The following PTPRN2 variants were observed in gnomAD, a reference collection of about 807,000 sequenced individuals.
The protein encoded by PTPRN2 is receptor-type tyrosine-protein phosphatase N2.
PTPRN2 carries 74 observed loss-of-function variants against 118.8 expected under a neutral mutation model. The observed-to-expected ratio is 0.62, with a 90% CI of 0.52 to 0.76. The LOEUF is 0.76. Ranked by LOEUF, PTPRN2 falls within the 30% of genes least tolerant of loss-of-function variation. The pLI, the probability that PTPRN2 is intolerant of heterozygous loss-of-function variation, is 0.00. For synonymous variants in PTPRN2, 641 were observed against 608.0 expected (o/e 1.05, Z -0.80); for missense variants, 1,481 against 1,394.4 (o/e 1.06, Z -0.99).
chr7:158,152,957 C>T (rs147070755), intron 6 of PTPRN2, among the ~76,000 whole-genome samples: 12,140 of 134,104 alleles, frequency 0.091, 901 homozygotes, highest in African/African-American at 0.18. Flanking sequence ...CACCAGCACG[C>T]CAGCAGGCCA....
intron 19 of PTPRN2, among the ~76,000 whole-genome samples, chr7:157,576,323 A>G (rs886755038): frequency 1.3e-5 from 2 of 152,202 alleles, no homozygotes; most frequent in Non-Finnish European, 1.5e-5. Context: ...CATACACTTT[A>G]GGCTCTTTGT....
chr7:158,566,112 G>T (rs955374518), intron 1 of PTPRN2, among the ~76,000 whole-genome samples: 2 of 152,166 alleles, frequency 1.3e-5, no homozygotes, highest in Non-Finnish European at 1.5e-5. Context: ...CAGCACTTTG[G>T]GAGGCCAAGG....
chr7:158,014,218 AC>A (rs940411673), intron 11 of PTPRN2, among the ~76,000 whole-genome samples: 6 of 150,388 alleles, frequency 4.0e-5, no homozygotes, highest in African/African-American at 1.5e-4. Context: ...CCAGCCAGCC[AC>A]CCATCTATTC....
chr7:158,192,064 T>C (rs1825808703), intron 5 of PTPRN2, among the ~76,000 whole-genome samples: 1 of 152,120 alleles, frequency 6.6e-6, no homozygotes, highest in South Asian at 2.1e-4. Context: ...AATGGTGGGC[T>C]TTCTGGAGTC....
chr7:158,179,752 GC>G (rs1454605889), intron 5 of PTPRN2, among the ~76,000 whole-genome samples: 1 of 152,152 alleles, frequency 6.6e-6, no homozygotes, highest in Non-Finnish European at 1.5e-5. Flanking sequence ...TTAAAACAGG[GC>G]CAAGGTGGAA....
At chr7:158,071,000 CATGGTGGTGGAGGTGCT>C (rs1811371052) in intron 11 of PTPRN2, among the ~76,000 whole-genome samples, 2 of 81,022 alleles carry the variant, frequency 2.5e-5, no homozygotes, top group Admixed American at 1.3e-4. Context: ...TGGAGGTGCT[CATGGTGGTGGAGGTGCT>C]CGTGGTGGAG....
At chr7:157,994,722 GTGT>G (rs1804569396) in intron 11 of PTPRN2, among the ~76,000 whole-genome samples, 1 of 36,574 alleles carries the variant, frequency 2.7e-5, no homozygotes, top group Non-Finnish European at 4.5e-5. Flanking sequence ...AATCAACGCC[GTGT>G]CCCCAGCTTA....
chr7:158,311,684 G>A (rs1004779200), intron 3 of PTPRN2, among the ~76,000 whole-genome samples: 9 of 152,252 alleles, frequency 5.9e-5, no homozygotes, highest in Admixed American at 1.3e-4. Context: ...TCTGACAACT[G>A]CACCTGCAAG....
intron 12 of PTPRN2, 108 bp from the exon 13 acceptor site, chr7:157,683,045 C>A (rs553260083): frequency 1.0e-6 from 1 of 992,284 alleles, no homozygotes; most frequent in Non-Finnish European, 1.5e-6. Flanking sequence ...CCCCACAGGA[C>A]GCTGTGCTGG....
At chr7:158,580,273 T>C (rs1019074464) in intron 1 of PTPRN2, among the ~76,000 whole-genome samples, 3 of 152,280 alleles carry the variant, frequency 2.0e-5, no homozygotes, top group Non-Finnish European at 4.4e-5. Flanking sequence ...TCACAGCCTC[T>C]GACTGCCAAT....
intron 11 of PTPRN2, among the ~76,000 whole-genome samples, chr7:157,922,845 T>A (rs1585021952): frequency 2.0e-5 from 3 of 152,344 alleles, no homozygotes; most frequent in Admixed American, 2.0e-4. Flanking sequence ...AATCCTGAGG[T>A]CACTCGCTTA....
At chr7:158,340,552 C>G (rs529551056) in intron 2 of PTPRN2, among the ~76,000 whole-genome samples, 2 of 126,692 alleles carry the variant, frequency 1.6e-5, no homozygotes, top group South Asian at 5.7e-4. Flanking sequence ...CCGCAGAGGT[C>G]ACTCACACCC....
intron 4 of PTPRN2, among the ~76,000 whole-genome samples, chr7:158,202,360 G>A (rs1387600239): frequency 6.6e-6 from 1 of 152,174 alleles, no homozygotes. Context: ...GTAGGTGTCA[G>A]AGTCGGGCAT....
Position 158,167,152 on chromosome 7 carries a change from C to A in PTPRN2, c.689G>T (p.Ser230Ile). The change falls in exon 6 of 23, where the codon AGC becomes ATC. Residue 230 changes from serine (S) to isoleucine (I), a missense_variant. By Grantham distance (142) the Ser-to-Ile change is moderately radical. Coordinates refer to ENST00000389418, the MANE Select transcript of PTPRN2 (RefSeq NM_002847.5). Reference protein sequence around the residue: ...TLGQLQPDELSPKVDSGVDRH... With the variant: ...TLGQLQPDELIPKVDSGVDRH... ...GTCCACACCACTGTCCACCTTAGGG[C>A]TGAGCTCATCTGGCTGGAGCTGGCC... 2 of 1,614,006 alleles carry A rather than the reference C, an allele frequency of 1.2e-6. No individual in the cohort carries two copies. The highest frequency in any genetic ancestry group is 1.7e-6 in the Non-Finnish European group (2 of 1,180,008).
intron 11 of PTPRN2, among the ~76,000 whole-genome samples, chr7:157,966,724 C>T (rs1801964067): frequency 6.6e-6 from 1 of 151,992 alleles, no homozygotes; most frequent in South Asian, 2.1e-4. Flanking sequence ...TCATCTTCAT[C>T]ACCACCATCG....
At chr7:158,231,633 C>T (rs971573080) in intron 3 of PTPRN2, among the ~76,000 whole-genome samples, 3 of 152,172 alleles carry the variant, frequency 2.0e-5, no homozygotes, top group African/African-American at 7.2e-5. Flanking sequence ...GCTTGACTGA[C>T]ATTTATATCA....
chr7:157,793,415 G>A (rs147487471), intron 12 of PTPRN2, among the ~76,000 whole-genome samples: 1 of 152,036 alleles, frequency 6.6e-6, no homozygotes, highest in African/African-American at 2.4e-5. Context: ...TCTAGAGGTG[G>A]AGTTTGACCC....
chr7:157,701,211 A>G (rs928082357), intron 12 of PTPRN2, among the ~76,000 whole-genome samples: 5 of 152,118 alleles, frequency 3.3e-5, no homozygotes, highest in Non-Finnish European at 7.4e-5. Context: ...CAGAATCTCA[A>G]TCAACACACA....
chr7:158,155,897 C>A (rs1291032846), intron 6 of PTPRN2, among the ~76,000 whole-genome samples: 1 of 151,864 alleles, frequency 6.6e-6, no homozygotes, highest in Admixed American at 6.6e-5. Context: ...TGCTGGGGTC[C>A]AAAACTTGGG....
Sources: allele counts gnomAD v4.1 joint callset (sites outside exome capture counted in the v4.1 genomes callset), GRCh38; gene constraint gnomAD v4.1.1; transcripts MANE v1.5; gene names NCBI Gene and HGNC (gene_info 2026-07-23, HGNC 2026-07-21).